The following COL14A1 variants were observed in gnomAD, a reference collection of about 807,000 sequenced individuals.
COL14A1 encodes collagen alpha-1(XIV) chain.
COL14A1 carries 136 observed loss-of-function variants against 230.3 expected under a neutral mutation model. The observed-to-expected ratio is 0.59, with a 90% CI of 0.51 to 0.68. The LOEUF is 0.68. Ranked by LOEUF, COL14A1 falls within the 30% of genes least tolerant of loss-of-function variation. COL14A1 has a pLI of 0.00. For missense variants in COL14A1, 1,976 were observed against 2,215.8 expected, an observed-to-expected ratio of 0.89 and a Z score of 2.17; for synonymous variants, 792 against 784.1, an observed-to-expected ratio of 1.01 and a Z score of -0.17.
At chr8:120,371,091 G>T in intron 47 of COL14A1, 61 bp from the exon 48 acceptor site, 1 of 1,390,140 alleles carries the variant, frequency 7.2e-7, no homozygotes, top group Non-Finnish European at 1.0e-6. Flanking sequence ...CAGGTGAGGG[G>T]AGAATATCAA....
At chr8:120,222,349 A>G (rs1023963205) in intron 14 of COL14A1, among the ~76,000 whole-genome samples, 9 of 152,206 alleles carry the variant, frequency 5.9e-5, no homozygotes, top group Non-Finnish European at 1.0e-4. Flanking sequence ...TGTAACCAAC[A>G]CTACAGCTTA....
chr8:120,261,925 T>G (rs1235368643), intron 23 of COL14A1, among the ~76,000 whole-genome samples: 7 of 152,116 alleles, frequency 4.6e-5, no homozygotes, highest in Non-Finnish European at 1.0e-4. Flanking sequence ...AGGGAGATAC[T>G]GGGCAGGGTG....
At chr8:120,316,270 G>A (rs966021764) in intron 40 of COL14A1, among the ~76,000 whole-genome samples, 1 of 152,094 alleles carries the variant, frequency 6.6e-6, no homozygotes, top group Non-Finnish European at 1.5e-5. Context: ...AGTTTATTGT[G>A]TGCATTGGTT....
At chr8:120,299,811 T>C (rs1820655576) in intron 35 of COL14A1, among the ~76,000 whole-genome samples, 1 of 152,116 alleles carries the variant, frequency 6.6e-6, no homozygotes. Flanking sequence ...GTTTCTGTTG[T>C]GAATATTGTA....
chr8:120,171,930 A>G (rs1404178757), intron 5 of COL14A1, among the ~76,000 whole-genome samples: 1 of 152,102 alleles, frequency 6.6e-6, no homozygotes, highest in Non-Finnish European at 1.5e-5. Flanking sequence ...CTTTTAGGAC[A>G]CTAGATCTCT....
At chr8:120,174,935 G>A in intron 5 of COL14A1, among the ~76,000 whole-genome samples, 1 of 152,126 alleles carries the variant, frequency 6.6e-6, no homozygotes, top group Admixed American at 6.6e-5. Flanking sequence ...GGTCGTTTAT[G>A]CAACCCTTAG....
intron 5 of COL14A1, among the ~76,000 whole-genome samples, chr8:120,172,983 C>A (rs572206154): frequency 6.6e-6 from 1 of 152,296 alleles, no homozygotes; most frequent in South Asian, 2.1e-4. Context: ...TATTTTGAGA[C>A]ATGTAAATAT....
intron 5 of COL14A1, among the ~76,000 whole-genome samples, chr8:120,173,501 G>T (rs536355757): frequency 6.6e-6 from 1 of 151,954 alleles, no homozygotes; most frequent in African/African-American, 2.4e-5. Context: ...CTTCTGGAGT[G>T]TCATACCATT....
At chr8:120,208,829 C>T (rs1415903499) in intron 11 of COL14A1, among the ~76,000 whole-genome samples, 6 of 151,952 alleles carry the variant, frequency 3.9e-5, no homozygotes, top group Admixed American at 2.6e-4. Flanking sequence ...TGGGTAGGAT[C>T]GTAATAACAC....
chr8:120,288,985 G>T (rs192929769), intron 33 of COL14A1, among the ~76,000 whole-genome samples: 2 of 152,112 alleles, frequency 1.3e-5, no homozygotes, highest in African/African-American at 4.8e-5. Context: ...CAGATTTTAC[G>T]AGTCCTTACA....
rs556872352 is a variant in COL14A1, at chr8:120,307,716, G to T, written c.4402-2293G>T. Among the ~76,000 whole-genome samples the T allele has an allele frequency of 3.3e-5, 5 of 152,198 alleles. No individual in the cohort carries two copies. In the South Asian group the frequency reaches 1.0e-3, roughly 32 times the overall value. ...AAATGAAAATTAGAACAAGAATAAG[G>T]TATATTTTCAGCAATCAGGTTGATA... On this transcript the variant is annotated intron_variant, in intron 36 of 47. Transcript: ENST00000297848.
intron 34 of COL14A1, among the ~76,000 whole-genome samples, chr8:120,291,893 C>T (rs895428994): frequency 2.6e-5 from 4 of 152,134 alleles, no homozygotes; most frequent in South Asian, 2.1e-4. Flanking sequence ...ATAGAAACCG[C>T]GTCATTGTCT....
chr8:120,338,223 T>G (rs1034314546), intron 42 of COL14A1, among the ~76,000 whole-genome samples: 2 of 152,364 alleles, frequency 1.3e-5, no homozygotes, highest in East Asian at 3.9e-4. Flanking sequence ...TGCACCCTAA[T>G]TCTGAATTAC....
chr8:120,228,613 A>C, intron 17 of COL14A1, 97 bp from the exon 18 acceptor site: 2 of 888,136 alleles, frequency 2.3e-6, no homozygotes, highest in Middle Eastern at 2.5e-4. Flanking sequence ...GAGGCAAGTG[A>C]GATAATATAG....
chr8:120,240,101 C>T (rs1261630410), intron 19 of COL14A1, among the ~76,000 whole-genome samples: 1 of 152,016 alleles, frequency 6.6e-6, no homozygotes, highest in Non-Finnish European at 1.5e-5. Flanking sequence ...AAGTCTTAAA[C>T]ACTCTGACCC....
chr8:120,185,161 G>T (rs1190197390), intron 5 of COL14A1, among the ~76,000 whole-genome samples: 2 of 152,172 alleles, frequency 1.3e-5, no homozygotes, highest in Non-Finnish European at 2.9e-5. Flanking sequence ...GATTAAATGG[G>T]TATTAACCTC....
chr8:120,360,213 T>C (rs560882186), intron 45 of COL14A1, among the ~76,000 whole-genome samples: 1 of 152,186 alleles, frequency 6.6e-6, no homozygotes, highest in Non-Finnish European at 1.5e-5. Flanking sequence ...CCTTAACCAA[T>C]GTATTGCCTT....
At chr8:120,345,251 G>A (rs199659305) in intron 44 of COL14A1, 124 bp from the exon 45 acceptor site, 140 of 785,934 alleles carry the variant, frequency 1.8e-4, no homozygotes, top group Middle Eastern at 1.5e-3. Context: ...TTTCAAAGGG[G>A]TGTGATTTTT....
At chr8:120,195,445 A>G (rs1232737324) in intron 5 of COL14A1, among the ~76,000 whole-genome samples, 1 of 152,186 alleles carries the variant, frequency 6.6e-6, no homozygotes, top group African/African-American at 2.4e-5. Flanking sequence ...AGCAAAGTTA[A>G]GCAGTTCTTT....
Sources: gnomAD v4.1 joint callset for allele counts (sites outside exome capture counted in the v4.1 genomes callset) on GRCh38, gnomAD v4.1.1 for gene constraint, MANE v1.5 for transcripts, NCBI Gene and HGNC (gene_info 2026-07-23, HGNC 2026-07-21) for gene names.